Variants in ARHGEF7 observed in about 807,000 individuals in gnomAD.
ARHGEF7 encodes Rho guanine nucleotide exchange factor 7, also known as PAK-interacting exchange factor beta.
ARHGEF7 carries 33 observed loss-of-function variants against 109.8 expected under a neutral mutation model. The observed-to-expected ratio is 0.30, with a 90% CI of 0.23 to 0.40. The LOEUF is 0.40. ARHGEF7 is among the 10% of genes least tolerant of loss of function. The probability of loss-of-function intolerance (pLI) is 1.00; values close to 1 mark genes in which losing one functional copy is unlikely to be tolerated. For missense variants in ARHGEF7, 938 were observed against 1,098.5 expected, an observed-to-expected ratio of 0.85 and a Z score of 2.07; for synonymous variants, 458 against 424.6, an observed-to-expected ratio of 1.08 and a Z score of -0.97.
chr13:111,147,230 C>T (rs1193033835), intron 1 of ARHGEF7, among the ~76,000 whole-genome samples: 2 of 152,184 alleles, frequency 1.3e-5, no homozygotes, highest in African/African-American at 2.4e-5. Flanking sequence ...AAGGAATTGC[C>T]GGTCTTAGGG....
At chr13:111,275,257 C>A (rs557702270) in intron 11 of ARHGEF7, among the ~76,000 whole-genome samples, 77 of 152,326 alleles carry the variant, frequency 5.1e-4, no homozygotes, top group African/African-American at 1.6e-3. Context: ...GTCCACATTT[C>A]TTTTTTGTAC....
intron 1 of ARHGEF7, among the ~76,000 whole-genome samples, chr13:111,134,689 A>G (rs547930793): frequency 1.4e-4 from 21 of 152,260 alleles, no homozygotes; most frequent in African/African-American, 5.1e-4. Flanking sequence ...GATTCTGGAT[A>G]TTAGCCCTTT....
At chr13:111,153,700 AG>A in intron 1 of ARHGEF7, 2 of 1,306,150 alleles carry the variant, frequency 1.5e-6, no homozygotes, top group Non-Finnish European at 1.9e-6. Flanking sequence ...AGATTGGTGC[AG>A]CCCCGGAGGA....
At chr13:111,281,388 C>G (rs2092773542) in intron 15 of ARHGEF7, among the ~76,000 whole-genome samples, 1 of 152,036 alleles carries the variant, frequency 6.6e-6, no homozygotes, top group African/African-American at 2.4e-5. Flanking sequence ...TTTCTGCTTA[C>G]AGATTTCCTC....
At chr13:111,269,682 G>A (rs777216436) in intron 9 of ARHGEF7, among the ~76,000 whole-genome samples, 1 of 152,068 alleles carries the variant, frequency 6.6e-6, no homozygotes, top group Non-Finnish European at 1.5e-5. Context: ...TCAGAGCTGC[G>A]GCGAGAGGAA....
chr13:111,240,842 CA>C (rs910521362), intron 6 of ARHGEF7, among the ~76,000 whole-genome samples: 100 of 151,642 alleles, frequency 6.6e-4, no homozygotes, highest in African/African-American at 2.3e-3. Context: ...ACAGATGAAA[CA>C]AAAAAAATTA....
chr13:111,152,815 C>T (rs560920981), intron 1 of ARHGEF7, among the ~76,000 whole-genome samples: 1 of 152,334 alleles, frequency 6.6e-6, no homozygotes, highest in South Asian at 2.1e-4. Flanking sequence ...TAAAGTTTTT[C>T]GTATGCCTCA....
intron 18 of ARHGEF7, among the ~76,000 whole-genome samples, chr13:111,290,854 T>G (rs1007186715): frequency 6.6e-6 from 1 of 152,228 alleles, no homozygotes; most frequent in South Asian, 2.1e-4. Context: ...AATTGCTCGC[T>G]TGTGCTGGAA....
intron 13 of ARHGEF7, among the ~76,000 whole-genome samples, chr13:111,279,537 G>A (rs764297559): frequency 1.3e-5 from 2 of 152,250 alleles, no homozygotes; most frequent in Non-Finnish European, 2.9e-5. Flanking sequence ...CCCAGGCAGC[G>A]CTGCCCAGAC....
chr13:111,227,183 A>C (rs2085324622), intron 5 of ARHGEF7, among the ~76,000 whole-genome samples: 1 of 152,256 alleles, frequency 6.6e-6, no homozygotes, highest in African/African-American at 2.4e-5. Flanking sequence ...TGAAATAACA[A>C]AAGATTTAGA....
intron 6 of ARHGEF7, 100 bp from the exon 7 acceptor site, chr13:111,243,772 T>C (rs1401349691): frequency 1.4e-6 from 1 of 703,702 alleles, no homozygotes; most frequent in Non-Finnish European, 2.4e-6. Flanking sequence ...GAAGTAACAG[T>C]GTGAATTGAA....
intron 13 of ARHGEF7, among the ~76,000 whole-genome samples, chr13:111,278,800 G>T (rs915914625): frequency 6.6e-6 from 1 of 152,190 alleles, no homozygotes; most frequent in Non-Finnish European, 1.5e-5. Context: ...CATTCCAGTG[G>T]CTGGAGGCAG....
chr13:111,261,185 T>C (rs893931642), intron 8 of ARHGEF7, among the ~76,000 whole-genome samples: 2 of 151,700 alleles, frequency 1.3e-5, no homozygotes, highest in Non-Finnish European at 2.9e-5. Flanking sequence ...TCAAGAGCCG[T>C]AGAGTGGCTG....
At chr13:111,300,926 GC>G in intron 20 of ARHGEF7, 79 bp downstream of exon 20, 2 of 839,718 alleles carry the variant, frequency 2.4e-6, no homozygotes, top group South Asian at 3.9e-5. Flanking sequence ...CTCCCTGAGG[GC>G]GGGGGTATGG....
At chr13:111,225,445 A>G (rs2153514291) in intron 5 of ARHGEF7, among the ~76,000 whole-genome samples, 1 of 151,710 alleles carries the variant, frequency 6.6e-6, no homozygotes, top group East Asian at 1.9e-4. Flanking sequence ...TCTTCACAGT[A>G]TGCAGAGACT....
At chr13:111,243,328 T>C (rs992959470) in intron 6 of ARHGEF7, among the ~76,000 whole-genome samples, 2 of 152,230 alleles carry the variant, frequency 1.3e-5, no homozygotes, top group African/African-American at 4.8e-5. Context: ...TTGTAACCGC[T>C]ACCCAAATCA....
At chr13:111,120,911 GC>G (rs1344815957) in intron 1 of ARHGEF7, among the ~76,000 whole-genome samples, 2 of 152,242 alleles carry the variant, frequency 1.3e-5, no homozygotes, top group African/African-American at 4.8e-5. Flanking sequence ...AAGACTGTGA[GC>G]TTTCTCATGG....
intron 19 of ARHGEF7, among the ~76,000 whole-genome samples, chr13:111,297,304 G>T (rs1315268005): frequency 6.6e-6 from 1 of 152,168 alleles, no homozygotes; most frequent in African/African-American, 2.4e-5. Context: ...CATCAGATCC[G>T]TAAATGGCAT....
intron 18 of ARHGEF7, 50 bp downstream of exon 18, chr13:111,288,493 T>C (rs1320530616): frequency 2.0e-6 from 3 of 1,473,976 alleles, no homozygotes; most frequent in Middle Eastern, 1.7e-4. Flanking sequence ...TTCTGTTTAG[T>C]TTCAAATTAC....
Sources: gnomAD v4.1 joint callset for allele counts (sites outside exome capture counted in the v4.1 genomes callset) on GRCh38, gnomAD v4.1.1 for gene constraint, MANE v1.5 for transcripts, NCBI Gene and HGNC (gene_info 2026-07-23, HGNC 2026-07-21) for gene names.